The following ATP8A2 variants were observed in gnomAD, a reference collection of about 807,000 sequenced individuals.
ATP8A2 encodes phospholipid-transporting ATPase IB.
ATP8A2 carries 100 observed loss-of-function variants against 165.6 expected under a neutral mutation model. The ratio of observed to expected loss-of-function variants is 0.60; its 90% confidence interval spans 0.51 to 0.71. ATP8A2 has a LOEUF of 0.71. Among genes scored for constraint, ATP8A2 ranks in the 30% least tolerant of loss-of-function variants. The pLI is 0.00. For missense variants in ATP8A2, 1,227 were observed against 1,479.5 expected (o/e 0.83, Z 2.80); for synonymous variants, 543 against 548.8 (o/e 0.99, Z 0.15).
intron 24 of ATP8A2, among the ~76,000 whole-genome samples, chr13:25,654,834 T>C (rs543189469): frequency 6.6e-6 from 1 of 152,202 alleles, no homozygotes; most frequent in Non-Finnish European, 1.5e-5. Context: ...GTGATACTTA[T>C]TTTGATGCTG....
At chr13:25,947,299 C>T (rs1390740863) in intron 33 of ATP8A2, among the ~76,000 whole-genome samples, 2 of 152,134 alleles carry the variant, frequency 1.3e-5, no homozygotes, top group East Asian at 3.9e-4. Flanking sequence ...TGCATGTACT[C>T]TTTCTGTTAT....
intron 25 of ATP8A2, among the ~76,000 whole-genome samples, chr13:25,760,649 A>T (rs887964914): frequency 6.6e-6 from 1 of 152,188 alleles, no homozygotes; most frequent in African/African-American, 2.4e-5. Context: ...TAAACTTCCT[A>T]TCATTATTAA....
intron 2 of ATP8A2, among the ~76,000 whole-genome samples, chr13:25,505,207 G>C (rs371843323): frequency 2.8e-5 from 4 of 142,530 alleles, no homozygotes; most frequent in Admixed American, 1.4e-4. Context: ...CGGGGCGGGG[G>C]GGGGTGGTGG....
chr13:25,690,632 A>G (rs951835875), intron 24 of ATP8A2, among the ~76,000 whole-genome samples: 1 of 152,206 alleles, frequency 6.6e-6, no homozygotes, highest in Non-Finnish European at 1.5e-5. Flanking sequence ...ATCTAATACT[A>G]CGCACCCACT....
intron 35 of ATP8A2, among the ~76,000 whole-genome samples, chr13:25,997,253 C>T (rs1203513233): frequency 6.6e-6 from 1 of 152,212 alleles, no homozygotes; most frequent in Non-Finnish European, 1.5e-5. Flanking sequence ...TCTGTTCTTT[C>T]AGCACCTGAA....
chr13:25,562,039 G>C (rs927598858), intron 15 of ATP8A2, among the ~76,000 whole-genome samples: 2 of 152,142 alleles, frequency 1.3e-5, no homozygotes, highest in African/African-American at 4.8e-5. Context: ...CATTTGTGTT[G>C]CTTCCACCTT....
At chr13:25,749,675 T>C (rs1055639556) in intron 25 of ATP8A2, among the ~76,000 whole-genome samples, 3 of 152,162 alleles carry the variant, frequency 2.0e-5, no homozygotes, top group African/African-American at 7.2e-5. Context: ...GTGGGACAGC[T>C]TTGCCTTAGG....
intron 27 of ATP8A2, among the ~76,000 whole-genome samples, chr13:25,788,011 C>T (rs886502995): frequency 5.3e-5 from 8 of 152,306 alleles, no homozygotes; most frequent in African/African-American, 1.7e-4. Flanking sequence ...GGAACCACTC[C>T]TCTGTTGGTG....
intron 24 of ATP8A2, among the ~76,000 whole-genome samples, chr13:25,593,121 G>A (rs746319808): frequency 2.6e-5 from 4 of 152,088 alleles, no homozygotes; most frequent in Non-Finnish European, 4.4e-5. Context: ...TTTGGTGGTG[G>A]GGAGGGGGAT....
chr13:25,437,541 T>C (rs887559321), intron 1 of ATP8A2, among the ~76,000 whole-genome samples: 2 of 152,224 alleles, frequency 1.3e-5, no homozygotes, highest in South Asian at 2.1e-4. Flanking sequence ...TTCAAAGCTT[T>C]TGAAGTTGTG....
intron 27 of ATP8A2, among the ~76,000 whole-genome samples, chr13:25,791,528 A>AACACAC (rs67701751): frequency 4.8e-4 from 49 of 102,070 alleles, no homozygotes; most frequent in East Asian, 1.2e-3. Context: ...CCCGAACTTA[A>AACACAC]ACACACACAC....
At chr13:26,003,322 A>G (rs770396666) in intron 35 of ATP8A2, among the ~76,000 whole-genome samples, 1 of 150,082 alleles carries the variant, frequency 6.7e-6, no homozygotes, top group Non-Finnish European at 1.5e-5. Context: ...GGTCATATGT[A>G]TATCGTCTTT....
chr13:25,980,683 T>C (rs1034798491), intron 35 of ATP8A2, among the ~76,000 whole-genome samples: 2 of 152,162 alleles, frequency 1.3e-5, no homozygotes, highest in Non-Finnish European at 2.9e-5. Flanking sequence ...TTAAAAGCCA[T>C]AGAATCCCAT....
At chr13:25,837,423 CCACACACACACA>C (rs72194516) in intron 29 of ATP8A2, 138 bp downstream of exon 29, 1,723 of 310,930 alleles carry the variant, frequency 5.5e-3, no homozygotes, top group Middle Eastern at 9.3e-3. Flanking sequence ...CACCCCACCA[CCACACACACACA>C]CACACACACA....
chr13:25,780,008 A>C (rs887623859), intron 27 of ATP8A2, among the ~76,000 whole-genome samples: 1 of 152,226 alleles, frequency 6.6e-6, no homozygotes, highest in Non-Finnish European at 1.5e-5. Flanking sequence ...CAGCATCAGC[A>C]TTTTAAGCAT....
intron 24 of ATP8A2, 95 bp downstream of exon 24, chr13:25,589,794 A>T (rs1330083553): frequency 1.1e-5 from 8 of 757,956 alleles, no homozygotes; most frequent in Non-Finnish European, 1.8e-5. Context: ...TGTTTTGCTA[A>T]AAAACAGTTA....
At chr13:25,724,203 A>G (rs943033820) in intron 25 of ATP8A2, among the ~76,000 whole-genome samples, 1 of 152,216 alleles carries the variant, frequency 6.6e-6, no homozygotes, top group African/African-American at 2.4e-5. Context: ...GCAGCAATAG[A>G]AAACTAATGC....
chr13:25,772,519 C>G lies in ATP8A2; in HGVS notation c.2569-2330C>G, dbSNP rs765579874. Among the ~76,000 whole-genome samples, 132 of 152,148 alleles carry G rather than the reference C, an allele frequency of 8.7e-4. 1 individual carries two copies. The highest frequency in any genetic ancestry group is 1.5e-3 in the Non-Finnish European group (101 of 67,992). On this transcript the variant is annotated intron_variant, in intron 26 of 36. Transcript: ENST00000381655. ...CCATGTGCACCTACTTCTGCCACTT[C>G]GAAGCGATGATTTAGATTCCGAATG...
intron 29 of ATP8A2, among the ~76,000 whole-genome samples, chr13:25,838,585 G>C (rs1449505717): frequency 6.6e-6 from 1 of 150,444 alleles, no homozygotes; most frequent in African/African-American, 2.5e-5. Context: ...TTTTTAAGTA[G>C]AGAGGTCAGA....
Sources: allele counts gnomAD v4.1 joint callset (sites outside exome capture counted in the v4.1 genomes callset), GRCh38; gene constraint gnomAD v4.1.1; transcripts MANE v1.5; gene names NCBI Gene and HGNC (gene_info 2026-07-23, HGNC 2026-07-21).